The following DNAJC1 variants were observed in gnomAD, a reference collection of about 807,000 sequenced individuals.
DNAJC1 encodes the protein dnaJ homolog subfamily C member 1.
In DNAJC1, 58 loss-of-function variants were observed where a neutral mutation model predicts 76.6. The observed-to-expected ratio is 0.76, with a 90% confidence interval of 0.61 to 0.94. DNAJC1 has a LOEUF of 0.94. Among genes scored for constraint, DNAJC1 ranks in the 40% least tolerant of loss-of-function variants. DNAJC1 has a pLI of 0.00. For synonymous variants in DNAJC1, 258 were observed against 267.9 expected, an observed-to-expected ratio of 0.96 and a Z score of 0.36; for missense variants, 689 against 677.3, an observed-to-expected ratio of 1.02 and a Z score of -0.19.
intron 1 of DNAJC1, 43 bp from the exon 2 acceptor site, chr10:21,929,184 T>C: frequency 2.9e-6 from 4 of 1,402,196 alleles, no homozygotes; most frequent in Non-Finnish European, 4.0e-6. Context: ...GCAAACTTTG[T>C]CAGAAAAAGA....
intron 9 of DNAJC1, among the ~76,000 whole-genome samples, chr10:21,799,837 A>C (rs1834794095): frequency 6.6e-6 from 1 of 152,122 alleles, no homozygotes; most frequent in Non-Finnish European, 1.5e-5. Context: ...CGTATTTACC[A>C]TCACACTTGG....
At chr10:21,930,451 C>CA (rs749056734) in intron 1 of DNAJC1, among the ~76,000 whole-genome samples, 119 of 152,144 alleles carry the variant, frequency 7.8e-4, no homozygotes, top group Non-Finnish European at 1.5e-3. Flanking sequence ...CAAACCAACA[C>CA]AAAAAATCTA....
At chr10:21,925,971 A>T (rs1837120772) in intron 3 of DNAJC1, among the ~76,000 whole-genome samples, 1 of 152,196 alleles carries the variant, frequency 6.6e-6, no homozygotes, top group African/African-American at 2.4e-5. Context: ...AATCAAACAA[A>T]ACTGGCTTTT....
At chr10:21,876,115 A>T (rs544584731) in intron 8 of DNAJC1, among the ~76,000 whole-genome samples, 2 of 143,614 alleles carry the variant, frequency 1.4e-5, no homozygotes, top group East Asian at 2.0e-4. Context: ...AAAAACGTTA[A>T]TTTTTTTTTT....
chr10:21,883,347 T>C (rs930795132), intron 7 of DNAJC1, among the ~76,000 whole-genome samples: 1 of 151,642 alleles, frequency 6.6e-6, no homozygotes, highest in Non-Finnish European at 1.5e-5. Flanking sequence ...TTAATTACTA[T>C]AGTCAAACTC....
At chr10:21,885,284 A>C (rs1342374826) in intron 7 of DNAJC1, among the ~76,000 whole-genome samples, 5 of 152,124 alleles carry the variant, frequency 3.3e-5, no homozygotes, top group Non-Finnish European at 7.4e-5. Context: ...ATTCAACAAG[A>C]CTTAACTATC....
chr10:21,957,956 A>G (rs1417738980), intron 1 of DNAJC1, among the ~76,000 whole-genome samples: 1 of 152,178 alleles, frequency 6.6e-6, no homozygotes, highest in Non-Finnish European at 1.5e-5. Context: ...GGCTCATAAT[A>G]CCTGCTTCTG....
chr10:21,986,489 C>T (rs1184866533), intron 1 of DNAJC1, among the ~76,000 whole-genome samples: 1 of 151,946 alleles, frequency 6.6e-6, no homozygotes, highest in South Asian at 2.1e-4. Context: ...TTTTTGGATT[C>T]TCTTTATTAG....
chr10:21,854,253 A>AAACC (rs1463117160), intron 8 of DNAJC1, among the ~76,000 whole-genome samples: 1 of 151,904 alleles, frequency 6.6e-6, no homozygotes, highest in East Asian at 1.9e-4. Context: ...GGATGCAGGG[A>AAACC]AAACAACATA....
intron 1 of DNAJC1, among the ~76,000 whole-genome samples, chr10:21,980,877 GTTC>G (rs1352486480): frequency 6.6e-6 from 1 of 151,900 alleles, no homozygotes; most frequent in Non-Finnish European, 1.5e-5. Flanking sequence ...GACTAAATGT[GTTC>G]TTCTTTTTGG....
chr10:21,819,090 G>A (rs1246363541), intron 8 of DNAJC1, among the ~76,000 whole-genome samples: 1 of 152,138 alleles, frequency 6.6e-6, no homozygotes, highest in East Asian at 1.9e-4. Context: ...CTGATGAAAA[G>A]CAATAAAAGT....
At chr10:21,988,404 C>T (rs1308012285) in intron 1 of DNAJC1, among the ~76,000 whole-genome samples, 1 of 152,088 alleles carries the variant, frequency 6.6e-6, no homozygotes. Flanking sequence ...AATCGATGTG[C>T]TCCTCAAATT....
chr10:21,804,961 G>A (rs772126302), intron 9 of DNAJC1, among the ~76,000 whole-genome samples: 4 of 152,186 alleles, frequency 2.6e-5, no homozygotes, highest in South Asian at 2.1e-4. Context: ...TTAGAGATGC[G>A]CAACTGTAAT....
intron 1 of DNAJC1, among the ~76,000 whole-genome samples, chr10:21,970,718 A>G (rs1050069453): frequency 6.6e-6 from 1 of 151,992 alleles, no homozygotes; most frequent in African/African-American, 2.4e-5. Context: ...TGCTACTCCC[A>G]CAAAAATATT....
intron 8 of DNAJC1, among the ~76,000 whole-genome samples, chr10:21,874,889 G>T (rs567709924): frequency 4.4e-4 from 66 of 151,502 alleles, no homozygotes; most frequent in Middle Eastern, 3.4e-3. Context: ...TTGTTTTTTT[G>T]TGTGTGTGTG....
chr10:21,808,447 G>GTCT (rs1407529288), intron 8 of DNAJC1, among the ~76,000 whole-genome samples: 2 of 152,042 alleles, frequency 1.3e-5, no homozygotes, highest in African/African-American at 4.8e-5. Flanking sequence ...TGCTATGACA[G>GTCT]TCTTAAGTTT....
chr10:21,938,697 C>T (rs1161397958), intron 1 of DNAJC1, among the ~76,000 whole-genome samples: 2 of 152,162 alleles, frequency 1.3e-5, no homozygotes, highest in East Asian at 1.9e-4. Flanking sequence ...TTTGCTGACC[C>T]TGATTTTAAT....
intron 8 of DNAJC1, among the ~76,000 whole-genome samples, chr10:21,842,886 T>C (rs750145744): frequency 7.2e-5 from 11 of 152,242 alleles, no homozygotes; most frequent in Non-Finnish European, 1.0e-4. Context: ...AGTGATAATA[T>C]AAACTTCATG....
intron 8 of DNAJC1, among the ~76,000 whole-genome samples, chr10:21,841,925 T>G (rs927878455): frequency 1.3e-5 from 2 of 151,916 alleles, no homozygotes; most frequent in Non-Finnish European, 2.9e-5. Flanking sequence ...CCATAAAAAA[T>G]GATGAGTTCA....
Sources: allele counts gnomAD v4.1 joint callset (sites outside exome capture counted in the v4.1 genomes callset), GRCh38; gene constraint gnomAD v4.1.1; transcripts MANE v1.5; gene names NCBI Gene and HGNC (gene_info 2026-07-23, HGNC 2026-07-21).